CDC37: variants seen among roughly 807,000 people sequenced by gnomAD.
CDC37 encodes hsp90 co-chaperone Cdc37.
A neutral mutation model predicts 46.9 loss-of-function variants in CDC37; 9 were observed. That is an observed-to-expected ratio of 0.19 (90% CI 0.12 to 0.33). The LOEUF (loss-of-function observed/expected upper bound fraction) is 0.33, where lower values mean the gene tolerates loss of function less well. CDC37 is among the 10% of genes least tolerant of loss of function. The pLI is 1.00. For missense variants in CDC37, 388 were observed against 514.6 expected, an observed-to-expected ratio of 0.75 and a Z score of 2.38; for synonymous variants, 193 against 191.0, an observed-to-expected ratio of 1.01 and a Z score of -0.09.
intron 1 of CDC37, among the ~76,000 whole-genome samples, chr19:10,397,788 C>G (rs1409021442): frequency 6.6e-6 from 1 of 152,102 alleles, no homozygotes; most frequent in Non-Finnish European, 1.5e-5. Flanking sequence ...TCCAGCCCAG[C>G]ATGCCCTCCT....
At position 10,398,022 on chromosome 19, in the gene CDC37, G is replaced by C. The variant is rs2042500946; in HGVS notation, c.103-1819C>G. Among the ~76,000 whole-genome samples the C allele has an allele frequency of 6.6e-6, 1 of 152,108 alleles. No individual in the cohort carries two copies. On this transcript the variant is annotated intron_variant, in intron 1 of 7. Coordinates refer to ENST00000222005, the MANE Select transcript of CDC37 (RefSeq NM_007065.4). This position sits in a 1 kb window ranked among gnomAD's most constrained non-coding sequence, Gnocchi z 4.2. ...CCATCACCTCTCCTGAACCTCAGTG[G>C]AGGCTGCTCTATCCAGAGCCACTAA... is the stretch of plus-strand genomic sequence containing the variant.
chr19:10,401,469 C>T (rs180811203), intron 1 of CDC37, among the ~76,000 whole-genome samples: 1 of 152,168 alleles, frequency 6.6e-6, no homozygotes, highest in Non-Finnish European at 1.5e-5. Context: ...CCGGCAGGAC[C>T]AAACCATTCT....
chr19:10,395,800 G>A (rs1045301338), intron 2 of CDC37, 128 bp downstream of exon 2: 12 of 273,892 alleles, frequency 4.4e-5, no homozygotes, highest in African/African-American at 3.5e-4. Context: ...TCAGCTCCCC[G>A]CCCCCCACCA....
chr19:10,402,409 G>A (rs2042524171), intron 1 of CDC37, among the ~76,000 whole-genome samples: 1 of 152,058 alleles, frequency 6.6e-6, no homozygotes. Context: ...CCCTGGATAA[G>A]AGCAGGGACA....
chr19:10,395,159 G>C lies in CDC37; in HGVS notation c.604-16C>G, dbSNP rs1200324910. On this transcript the variant is annotated splice_polypyrimidine_tract_variant and intron_variant, in intron 4 of 7. Coordinates refer to ENST00000222005, the MANE Select transcript of CDC37 (RefSeq NM_007065.4). Reference sequence around the variant, plus strand: ...GTGCACATTTCTGCCAGGAAGAACAGGCACAGCGTCACCAAGTGGCGGCCT... The same window carrying C: ...GTGCACATTTCTGCCAGGAAGAACACGCACAGCGTCACCAAGTGGCGGCCT... 1 of 1,609,094 alleles carries C rather than the reference G, an allele frequency of 6.2e-7. No homozygotes were observed. The highest frequency in any genetic ancestry group is 1.1e-5 in the South Asian group (1 of 90,860).
At chr19:10,395,904 G>GGGCGCC in intron 2 of CDC37, 24 bp downstream of exon 2, 4 of 1,541,894 alleles carry the variant, frequency 2.6e-6, no homozygotes, top group South Asian at 1.1e-5. Flanking sequence ...CATGCGCACT[G>GGGCGCC]CCCGCCCCGC....
intron 2 of CDC37, 112 bp downstream of exon 2, chr19:10,395,816 T>C: frequency 1.5e-6 from 1 of 685,474 alleles, no homozygotes; most frequent in East Asian, 6.0e-5. Context: ...CACCACACTC[T>C]TCAACTACAC....
intron 2 of CDC37, 67 bp downstream of exon 2, chr19:10,395,861 G>A (rs762175603): frequency 7.1e-6 from 11 of 1,544,620 alleles, no homozygotes; most frequent in Non-Finnish European, 9.7e-6. Context: ...CATTGGGTGC[G>A]CATGCGTCCT....
At chr19:10,392,575 A>T (rs570348165) in intron 7 of CDC37, among the ~76,000 whole-genome samples, 9 of 151,938 alleles carry the variant, frequency 5.9e-5, no homozygotes, top group East Asian at 5.8e-4. Flanking sequence ...AACATAATTT[A>T]AAAAAAAATT....
chr19:10,401,377 A>G (rs1216480319), intron 1 of CDC37, among the ~76,000 whole-genome samples: 2 of 152,138 alleles, frequency 1.3e-5, no homozygotes, highest in African/African-American at 2.4e-5. Flanking sequence ...CGGGGTTCTC[A>G]GCGGCAGGAC....
At chr19:10,392,959 G>T in intron 7 of CDC37, 127 bp downstream of exon 7, 1 of 779,874 alleles carries the variant, frequency 1.3e-6, no homozygotes, top group Non-Finnish European at 2.2e-6. Context: ...AAGGTGACAC[G>T]ACCCCCCTTA....
chr19:10,395,604 C>G, intron 2 of CDC37, 61 bp from the exon 3 acceptor site: 1 of 1,313,722 alleles, frequency 7.6e-7, no homozygotes, highest in Non-Finnish European at 1.1e-6. Context: ...TCGAGCGCGG[C>G]CGGGCGGGCC....
Position 10,395,744 on chromosome 19 carries a change from G to A in CDC37, c.378+184C>T, listed in dbSNP as rs747044027. 6.5e-5 allele frequency: 40 copies of A among 618,864 alleles called. No individual in the cohort carries two copies. The Admixed American group carries it at 6.7e-4, about 10-fold the overall frequency. 38.3% of individuals were successfully genotyped at this position (618,864 alleles called of 1,614,324 possible). On this transcript the variant is annotated intron_variant, in intron 2 of 7. Coordinates refer to ENST00000222005, the MANE Select transcript of CDC37 (RefSeq NM_007065.4). The stretch of plus-strand genomic sequence containing the variant: ...GACCGGTGGGGTGTTTCATCCGCCC[G>A]GCCCCCCAAGCCTGTCCCCCCTCCC...
intron 1 of CDC37, among the ~76,000 whole-genome samples, chr19:10,397,225 G>A (rs965757279): frequency 5.3e-5 from 8 of 152,096 alleles, no homozygotes; most frequent in Non-Finnish European, 7.4e-5. Context: ...TGCAAAGCAC[G>A]GGCTCAGCAA....
chr19:10,403,273 G>A (rs1341347297), intron 1 of CDC37, 105 bp downstream of exon 1: 5 of 811,950 alleles, frequency 6.2e-6, no homozygotes, highest in South Asian at 1.6e-5. Context: ...GACTGGGGGG[G>A]TGAGAATCCT....
chr19:10,391,229 G>A lies in CDC37; in HGVS notation c.*322C>T. ...GTGAAAACAGAGCCCAGTGACGAGAGCCGGCCCCTTGGCTGGGGACCCTCC... is the reference window on the plus strand; with the variant it reads ...GTGAAAACAGAGCCCAGTGACGAGAACCGGCCCCTTGGCTGGGGACCCTCC... On this transcript the variant is annotated 3_prime_UTR_variant, in exon 8 of 8. Coordinates refer to ENST00000222005, the MANE Select transcript of CDC37 (RefSeq NM_007065.4). 1 of 394,998 alleles carries A rather than the reference G, an allele frequency of 2.5e-6. No homozygotes were observed. Among genetic ancestry groups the A allele is most frequent in the Non-Finnish European group, 4.7e-6 (1 of 213,488 alleles). The allele number at this position is 394,998 out of a possible 1,614,324, so 24.5% of individuals were successfully genotyped here.
intron 1 of CDC37, among the ~76,000 whole-genome samples, chr19:10,399,588 G>A (rs1368159211): frequency 2.0e-5 from 3 of 150,870 alleles, no homozygotes; most frequent in Non-Finnish European, 4.4e-5. Context: ...GATCACTTGA[G>A]CTCAGGAATT....
In CDC37 at chr19:10,396,051, C is replaced by T. The variant is rs1265301245; in HGVS notation, c.255G>A (p.Gln85=). Residue 85 remains glutamine (Q), a synonymous_variant, in exon 2 of 8, where the codon CAG becomes CAA. Transcript: ENST00000222005. The surrounding 1 kb of genome is among the most constrained non-coding windows in gnomAD (Gnocchi z 5.9). Reference sequence around the variant, plus strand: ...CCTTGCGCAGCTGCTGTGCCTCGGCCTGCAGGCGCTCCAGCTCTGCCTTGC... The same window carrying T: ...CCTTGCGCAGCTGCTGTGCCTCGGCTTGCAGGCGCTCCAGCTCTGCCTTGC... ...EGGKAELERL[Q]AEAQQLRKEE... 1.9e-6 allele frequency: 3 copies of T among 1,614,032 alleles called. No homozygotes were observed. The South Asian group carries it at 3.3e-5, about 18-fold the overall frequency.
In CDC37 at chr19:10,395,952, C is replaced by G; in HGVS notation, c.354G>C (p.Thr118=). The G allele has an allele frequency of 5.9e-6, 8 of 1,361,862 alleles. No homozygotes were observed. Among genetic ancestry groups the G allele is most frequent in the Non-Finnish European group, 7.9e-6 (8 of 1,014,672 alleles). The allele number at this position is 1,361,862 out of a possible 1,614,324, so 84.4% of individuals were successfully genotyped here. Residue 118 remains threonine, a synonymous_variant, in exon 2 of 8, where the codon ACG becomes ACC. Transcript: ENST00000222005. Reference sequence around the variant, plus strand: ...CCTTGCTGAAGCCGTCTTTGCTGAGCGTGTCCACGTTCCAGGGCATGCTCT... The same window carrying G: ...CCTTGCTGAAGCCGTCTTTGCTGAGGGTGTCCACGTTCCAGGGCATGCTCT... ...KEKSMPWNVD[T]LSKDGFSKSM... is the part of the protein sequence containing the mutation.
Sources: gnomAD v4.1 joint callset for allele counts (sites outside exome capture counted in the v4.1 genomes callset) on GRCh38, gnomAD v4.1.1 for gene constraint, Gnocchi (gnomAD v3.1) non-coding constraint, MANE v1.5 for transcripts, NCBI Gene and HGNC (gene_info 2026-07-23, HGNC 2026-07-21) for gene names.